UBAC2: variants seen among roughly 807,000 people sequenced by gnomAD.
The protein encoded by UBAC2 is UBA domain containing 2.
UBAC2 carries 26 observed loss-of-function variants against 44.0 expected under a neutral mutation model. The ratio of observed to expected loss-of-function variants is 0.59; its 90% CI spans 0.43 to 0.82. The LOEUF (loss-of-function observed/expected upper bound fraction) is 0.82, where lower values mean the gene tolerates loss of function less well. UBAC2 is among the 40% of genes least tolerant of loss of function. The pLI, the probability that UBAC2 is intolerant of heterozygous loss-of-function variation, is 0.00. For synonymous variants in UBAC2, 155 were observed against 154.3 expected (o/e 1.00, Z -0.04); for missense variants, 329 against 419.4 (o/e 0.78, Z 1.88).
At chr13:99,221,432 C>T (rs2043051050) in intron 1 of UBAC2, among the ~76,000 whole-genome samples, 1 of 152,216 alleles carries the variant, frequency 6.6e-6, no homozygotes, top group African/African-American at 2.4e-5. Context: ...CACTATATGG[C>T]AGTGCAGTGT....
At chr13:99,242,190 C>T (rs1216809986) in intron 2 of UBAC2, among the ~76,000 whole-genome samples, 4 of 152,192 alleles carry the variant, frequency 2.6e-5, no homozygotes, top group Admixed American at 6.5e-5. Context: ...CCCCACCTTT[C>T]CCCCCCTTCT....
chr13:99,268,728 G>C lies in UBAC2; in HGVS notation c.389+24104G>C, dbSNP rs147160185. The stretch of plus-strand genomic sequence containing the variant: ...TGTAGAGGCACTGAATGATAGAGTT[G>C]TTTGGCTTGTGAAATGGCATCATGG... On this transcript the variant is annotated intron_variant, in intron 4 of 8. Transcript: ENST00000403766. 4.9e-3 allele frequency among the ~76,000 whole-genome samples: 738 copies of C among 151,826 alleles called. 4 individuals are homozygous for C. The highest frequency in any genetic ancestry group is 8.0e-3 in the Non-Finnish European group (540 of 67,922).
At chr13:99,234,815 C>A (rs1484338466) in intron 1 of UBAC2, among the ~76,000 whole-genome samples, 1 of 152,168 alleles carries the variant, frequency 6.6e-6, no homozygotes, top group East Asian at 1.9e-4. Flanking sequence ...AGATGTCTCA[C>A]AATAGTGTGC....
chr13:99,376,949 A>T (rs896326985), intron 8 of UBAC2: 1 of 152,260 alleles, frequency 6.6e-6, no homozygotes, highest in African/African-American at 2.4e-5. Context: ...CATGAAGCCA[A>T]CACTGACGAA....
At chr13:99,296,581 A>C (rs1295293871) in intron 4 of UBAC2, among the ~76,000 whole-genome samples, 1 of 152,180 alleles carries the variant, frequency 6.6e-6, no homozygotes. Context: ...TTTTAAATTT[A>C]ATTTCAGTTG....
intron 4 of UBAC2, among the ~76,000 whole-genome samples, chr13:99,301,108 C>T (rs868754247): frequency 7.9e-5 from 12 of 152,194 alleles, no homozygotes; most frequent in Admixed American, 3.9e-4. Flanking sequence ...AGAATTATAG[C>T]TTCCTCATAA....
chr13:99,316,863 G>T (rs551068997), intron 5 of UBAC2, among the ~76,000 whole-genome samples: 1 of 152,152 alleles, frequency 6.6e-6, no homozygotes, highest in South Asian at 2.1e-4. Flanking sequence ...TTAACCACTC[G>T]GTTTTACTGA....
chr13:99,296,571 TTTTAAA>T (rs2044177248), intron 4 of UBAC2, among the ~76,000 whole-genome samples: 1 of 152,222 alleles, frequency 6.6e-6, no homozygotes, highest in African/African-American at 2.4e-5. Flanking sequence ...TAAGCTTTGC[TTTTAAA>T]TTTAATTTCA....
intron 4 of UBAC2, among the ~76,000 whole-genome samples, chr13:99,299,583 T>G (rs970045507): frequency 6.6e-6 from 1 of 152,222 alleles, no homozygotes; most frequent in Non-Finnish European, 1.5e-5. Flanking sequence ...AATGTTCATT[T>G]CTAGTCAGTG....
chr13:99,214,377 T>C (rs2042968184), intron 1 of UBAC2, among the ~76,000 whole-genome samples: 3 of 152,114 alleles, frequency 2.0e-5, no homozygotes, highest in African/African-American at 7.2e-5. Flanking sequence ...TCTTTGTTTG[T>C]GGGTACAGCC....
At chr13:99,357,700 T>C (rs892355691) in intron 7 of UBAC2, among the ~76,000 whole-genome samples, 1 of 152,210 alleles carries the variant, frequency 6.6e-6, no homozygotes, top group Non-Finnish European at 1.5e-5. Context: ...GAGGATGCTA[T>C]GTCCATGAAG....
intron 1 of UBAC2, among the ~76,000 whole-genome samples, chr13:99,218,932 C>T (rs2043025919): frequency 6.6e-6 from 1 of 152,138 alleles, no homozygotes; most frequent in Non-Finnish European, 1.5e-5. Context: ...CAAGGTGTCT[C>T]TTGCAAGGCA....
intron 4 of UBAC2, among the ~76,000 whole-genome samples, chr13:99,257,161 A>G (rs1305185444): frequency 6.6e-6 from 1 of 152,088 alleles, no homozygotes; most frequent in African/African-American, 2.4e-5. Flanking sequence ...AATATGATTT[A>G]GGAGCATAAT....
intron 7 of UBAC2, among the ~76,000 whole-genome samples, chr13:99,358,569 A>G (rs945367516): frequency 6.6e-6 from 1 of 152,252 alleles, no homozygotes; most frequent in East Asian, 1.9e-4. Context: ...TTAATGAGTT[A>G]TTAAATATTT....
At chr13:99,222,825 T>A (rs996435108) in intron 1 of UBAC2, among the ~76,000 whole-genome samples, 2 of 152,212 alleles carry the variant, frequency 1.3e-5, no homozygotes, top group African/African-American at 4.8e-5. Context: ...CCTTTTAATA[T>A]CTTTGCATGG....
intron 4 of UBAC2, among the ~76,000 whole-genome samples, chr13:99,263,210 A>C (rs2043693362): frequency 6.6e-6 from 1 of 152,212 alleles, no homozygotes; most frequent in Non-Finnish European, 1.5e-5. Context: ...CAATCTCCTG[A>C]GGGAATAGAC....
intron 4 of UBAC2, among the ~76,000 whole-genome samples, chr13:99,249,647 C>G (rs1436074245): frequency 1.3e-5 from 2 of 152,182 alleles, no homozygotes; most frequent in Non-Finnish European, 2.9e-5. Context: ...AACTAATTTA[C>G]ATTCCCACCA....
chr13:99,214,223 G>GTT (rs143401786), intron 1 of UBAC2, among the ~76,000 whole-genome samples: 27 of 125,652 alleles, frequency 2.1e-4, no homozygotes, highest in Non-Finnish European at 2.8e-4. Context: ...TCTTTGGTTT[G>GTT]TTTTTTTTTT....
intron 6 of UBAC2, among the ~76,000 whole-genome samples, chr13:99,326,803 C>T (rs1411625919): frequency 6.6e-6 from 1 of 152,110 alleles, no homozygotes; most frequent in Admixed American, 6.5e-5. Context: ...CTTCCAGCCA[C>T]GAGATGCACA....
Sources: allele counts gnomAD v4.1 joint callset (sites outside exome capture counted in the v4.1 genomes callset), GRCh38; gene constraint gnomAD v4.1.1; transcripts MANE v1.5; gene names NCBI Gene and HGNC (gene_info 2026-07-23, HGNC 2026-07-21).